The following NIPA2 variants were observed in gnomAD, a reference collection of about 807,000 sequenced individuals.
The protein encoded by NIPA2 is NIPA magnesium transporter 2.
A neutral mutation model predicts 29.7 loss-of-function variants in NIPA2; 11 were observed. The ratio of observed to expected loss-of-function variants is 0.37; its 90% CI spans 0.23 to 0.61. The LOEUF (loss-of-function observed/expected upper bound fraction) is 0.61. Ranked by LOEUF, NIPA2 falls within the 20% of genes least tolerant of loss-of-function variation. NIPA2 has a pLI of 0.66. For missense variants in NIPA2, 426 were observed against 437.9 expected (o/e 0.97, Z 0.24); for synonymous variants, 183 against 161.9 (o/e 1.13, Z -0.99).
intron 2 of NIPA2, among the ~76,000 whole-genome samples, chr15:22,843,485 G>A (rs944328772): frequency 6.7e-6 from 1 of 148,498 alleles, no homozygotes; most frequent in Admixed American, 6.8e-5. Flanking sequence ...CAGCCTGGGG[G>A]ACAGAGCGAG....
intron 6 of NIPA2, among the ~76,000 whole-genome samples, chr15:22,859,337 C>G (rs1349595599): frequency 7.1e-5 from 10 of 140,090 alleles, no homozygotes; most frequent in South Asian, 4.5e-4. Flanking sequence ...CTGTCGCCCA[C>G]GCTGGAGTGC....
intron 5 of NIPA2, among the ~76,000 whole-genome samples, 199 bp from the exon 6 acceptor site, chr15:22,858,341 T>C (rs2058355873): frequency 6.6e-6 from 1 of 151,868 alleles, no homozygotes; most frequent in Non-Finnish European, 1.5e-5. Context: ...TCGCAGTGAG[T>C]TGAGATCACA....
chr15:22,851,124 C>T (rs2057706068), intron 3 of NIPA2, among the ~76,000 whole-genome samples: 1 of 152,166 alleles, frequency 6.6e-6, no homozygotes, highest in Non-Finnish European at 1.5e-5. Flanking sequence ...AATTGTTACC[C>T]TCTGATAAAT....
At chr15:22,840,398 A>G (rs1896746690) in intron 2 of NIPA2, among the ~76,000 whole-genome samples, 1 of 151,334 alleles carries the variant, frequency 6.6e-6, no homozygotes, top group African/African-American at 2.4e-5. Context: ...CCTGGGTTCA[A>G]GCGGTTCTCC....
intron 7 of NIPA2, among the ~76,000 whole-genome samples, chr15:22,863,766 A>AC (rs1422795508): frequency 6.6e-6 from 1 of 151,942 alleles, no homozygotes; most frequent in Non-Finnish European, 1.5e-5. Context: ...ATGCCATCTC[A>AC]CCCCTTGCAT....
In NIPA2 at chr15:22,867,262, C is replaced by T. The variant is rs1043911444; in HGVS notation, c.*415C>T. 3.2e-5 allele frequency: 13 copies of T among 400,294 alleles called. No homozygotes were observed. Among genetic ancestry groups the T allele is most frequent in the African/African-American group, 1.6e-4 (8 of 48,594 alleles). 24.8% of individuals were successfully genotyped at this position (400,294 alleles called of 1,614,324 possible). A position where few individuals can be genotyped will look rare whatever the true frequency, so the allele number is the denominator to read the frequency against. ...TTAAAAAAACAGAGTTATCCCAATA[C>T]ATTATCCTGTGATTTACCTTACCTA... is the stretch of plus-strand genomic sequence containing the variant. On this transcript the variant is annotated 3_prime_UTR_variant, in exon 8 of 8. Transcript: ENST00000337451.
Position 22,838,773 on chromosome 15 carries a change from C to T in NIPA2, c.-500C>T, listed in dbSNP as rs2140906041. 1 of 152,832 alleles carries T rather than the reference C, an allele frequency of 6.5e-6. No individual in the cohort carries two copies. The highest frequency in any genetic ancestry group is 1.9e-4 in the East Asian group (1 of 5,186). The allele number at this position is 152,832 out of a possible 1,614,324, so 9.5% of individuals were successfully genotyped here. ...ATGGAGGAGGCGGTGCGAACGGCTT[C>T]AGCCCCGAATGCTCGCATCTCCCAC... On this transcript the variant is annotated 5_prime_UTR_variant, in exon 1 of 8. Transcript: ENST00000337451.
intron 3 of NIPA2, among the ~76,000 whole-genome samples, chr15:22,847,907 C>T (rs1899244528): frequency 6.6e-6 from 1 of 152,166 alleles, no homozygotes; most frequent in African/African-American, 2.4e-5. Context: ...AGGCAATTCT[C>T]CTGCCTCAGC....
At chr15:22,844,466 C>A (rs4778265) in intron 2 of NIPA2, among the ~76,000 whole-genome samples, 40,413 of 151,634 alleles carry the variant, frequency 0.27, 5,827 homozygotes, top group African/African-American at 0.36. Flanking sequence ...AGGCAGGAGA[C>A]TTGCTTGAAC....
At position 22,862,109 on chromosome 15, in the gene NIPA2, G is replaced by A. The variant is rs928786131; in HGVS notation, c.448+1320G>A. ...CTTGCTCAGGCTGGAGTGCAATGGC[G>A]TGATCTCGGCTCACTGCATCCTCCG... On this transcript the variant is annotated intron_variant, in intron 7 of 7. Transcript: ENST00000337451. Among the ~76,000 whole-genome samples, 2 of 142,440 alleles carry A rather than the reference G, an allele frequency of 1.4e-5. 1 individual carries two copies. Among genetic ancestry groups the A allele is most frequent in the African/African-American group, 5.3e-5 (2 of 37,972 alleles). The allele number at this position is 142,440 out of a possible 152,430, so 93.4% of individuals were successfully genotyped here. A position where few individuals can be genotyped will look rare whatever the true frequency, so the allele number is the denominator to read the frequency against.
chr15:22,864,333 T>G (rs1264080123), intron 7 of NIPA2, among the ~76,000 whole-genome samples: 2 of 152,092 alleles, frequency 1.3e-5, no homozygotes, highest in Non-Finnish European at 2.9e-5. Flanking sequence ...TTTTTGTATT[T>G]TTAGTAGAGA....
intron 4 of NIPA2, 131 bp downstream of exon 4, chr15:22,852,001 G>GTT (rs2057778800): frequency 1.3e-6 from 1 of 763,664 alleles, no homozygotes; most frequent in East Asian, 2.5e-5. Context: ...AGTTCTAAAT[G>GTT]TTTACAAAGT....
chr15:22,866,141 A>G (rs747307985), intron 7 of NIPA2, 72 bp from the exon 8 acceptor site: 8 of 1,239,146 alleles, frequency 6.5e-6, no homozygotes, highest in Non-Finnish European at 8.0e-6. Context: ...AGTTTATTAT[A>G]TTTTGTTTTG....
rs752291916 is a variant in NIPA2 at position 22,866,791 on chromosome 15, G to GAAC, written c.1032_1034dup (p.Gln344dup). On this transcript the variant is annotated inframe_insertion, in exon 8 of 8. Coordinates refer to ENST00000337451, the MANE Select transcript of NIPA2 (RefSeq NM_030922.7). ...TGAAGAAAGCTTAACCTGTGGAATCGAACAACACACTGGTGAAAATGTCTC... is the reference window on the plus strand; with the variant it reads ...TGAAGAAAGCTTAACCTGTGGAATCGAACAACAACACACTGGTGAAAATGTCTC... 2 of 1,611,618 alleles carry GAAC rather than the reference G, an allele frequency of 1.2e-6. No homozygotes were observed. The highest frequency in any genetic ancestry group is 2.7e-5 in the African/African-American group (2 of 74,796).
At chr15:22,851,991 A>G in intron 4 of NIPA2, 121 bp downstream of exon 4, 1 of 843,254 alleles carries the variant, frequency 1.2e-6, no homozygotes, top group South Asian at 1.9e-5. Context: ...ATTGTTCAAG[A>G]GTTCTAAATG....
rs143997361 is a variant in NIPA2 at position 22,866,684 on chromosome 15, C to G, written c.920C>G (p.Ala307Gly). 4 of 1,614,066 alleles carry G rather than the reference C, an allele frequency of 2.5e-6. No homozygotes were observed. Among genetic ancestry groups the G allele is most frequent in the Non-Finnish European group, 3.4e-6 (4 of 1,179,988 alleles). The change falls in exon 8 of 8, where the codon GCA becomes GGA. Residue 307 changes from alanine to glycine, a missense_variant. By Grantham distance (60) the Ala-to-Gly change is moderately conservative. This residue lies in a region of NIPA2 where 357 missense variants were observed against 339.8 expected (regional missense o/e 1.05). Transcript: ENST00000337451. Reference sequence around the variant, plus strand: ...TTTAAAGACGTCAGCTTTAGTCTAGCAAGTCTGCCTGTGTCTTTTCGAAAA... The same window carrying G: ...TTTAAAGACGTCAGCTTTAGTCTAGGAAGTCTGCCTGTGTCTTTTCGAAAA... Reference protein sequence around the residue: ...HAFKDVSFSLASLPVSFRKDE... With the variant: ...HAFKDVSFSLGSLPVSFRKDE...
At chr15:22,847,389 A>C (rs1899051031) in intron 3 of NIPA2, among the ~76,000 whole-genome samples, 1 of 152,206 alleles carries the variant, frequency 6.6e-6, no homozygotes, top group Admixed American at 6.5e-5. Flanking sequence ...TCAAGTAGTC[A>C]CTTCCACAGC....
intron 3 of NIPA2, among the ~76,000 whole-genome samples, chr15:22,847,480 TC>T (rs1320426845): frequency 1.3e-5 from 2 of 151,882 alleles, no homozygotes; most frequent in African/African-American, 4.8e-5. Flanking sequence ...TTTTTTTTTT[TC>T]CGAGACGGAG....
intron 5 of NIPA2, 125 bp from the exon 6 acceptor site, chr15:22,858,415 T>G: frequency 1.9e-6 from 1 of 525,646 alleles, no homozygotes; most frequent in East Asian, 3.4e-5. Flanking sequence ...AATAATAAAT[T>G]GGAAAAATAT....
Sources: gnomAD v4.1 joint callset for allele counts (sites outside exome capture counted in the v4.1 genomes callset) on GRCh38, gnomAD v4.1.1 for gene constraint, gnomAD v4.1.1 regional missense constraint, MANE v1.5 for transcripts, NCBI Gene and HGNC (gene_info 2026-07-23, HGNC 2026-07-21) for gene names.